The following CDK13 variants were observed in gnomAD, a reference collection of about 807,000 sequenced individuals.
The protein encoded by CDK13 is cyclin-dependent kinase 13.
A neutral mutation model predicts 137.6 loss-of-function variants in CDK13; 40 were observed. The ratio of observed to expected loss-of-function variants is 0.29; its 90% confidence interval spans 0.23 to 0.38. CDK13 has a LOEUF of 0.38. Ranked by LOEUF, CDK13 falls within the 10% of genes least tolerant of loss-of-function variation. CDK13 has a pLI of 1.00. For synonymous variants in CDK13, 869 were observed against 760.1 expected (o/e 1.14, Z -2.36); for missense variants, 1,704 against 1,951.8 (o/e 0.87, Z 2.39).
At chr7:39,981,686 G>T (rs1784226426) in intron 1 of CDK13, among the ~76,000 whole-genome samples, 1 of 152,062 alleles carries the variant, frequency 6.6e-6, no homozygotes, top group Non-Finnish European at 1.5e-5. Flanking sequence ...TTTAAGGAAG[G>T]AACTTTTGTA....
intron 5 of CDK13, among the ~76,000 whole-genome samples, chr7:40,039,707 C>T (rs1785564202): frequency 6.6e-6 from 1 of 152,012 alleles, no homozygotes; most frequent in African/African-American, 2.4e-5. Flanking sequence ...ACTGGGATTA[C>T]AGGCGTGAGC....
chr7:40,063,605 T>TA (rs1584056944), intron 9 of CDK13, among the ~76,000 whole-genome samples: 1 of 152,162 alleles, frequency 6.6e-6, no homozygotes, highest in African/African-American at 2.4e-5. Context: ...ACCTAGTTCA[T>TA]AAGCAATTAC....
At chr7:39,961,638 T>TC (rs1783730572) in intron 1 of CDK13, among the ~76,000 whole-genome samples, 1 of 151,880 alleles carries the variant, frequency 6.6e-6, no homozygotes, top group Admixed American at 6.6e-5. Flanking sequence ...TTACTTCTTT[T>TC]TTTTTTTTTA....
At chr7:40,035,600 A>G (rs1350702843) in intron 5 of CDK13, among the ~76,000 whole-genome samples, 1 of 151,780 alleles carries the variant, frequency 6.6e-6, no homozygotes, top group African/African-American at 2.4e-5. Flanking sequence ...ACTGTCTCCC[A>G]TCATCCCCAG....
intron 9 of CDK13, chr7:40,071,457 ATTC>A (rs920762580): frequency 4.6e-5 from 7 of 152,314 alleles, no homozygotes; most frequent in Admixed American, 2.6e-4. Flanking sequence ...AATGGTGCAT[ATTC>A]TTCTTAGAAA....
chr7:40,062,501 C>T (rs965599159), intron 7 of CDK13: 5 of 225,672 alleles, frequency 2.2e-5, no homozygotes, highest in African/African-American at 7.0e-5. Flanking sequence ...AGGATGGTCT[C>T]GATCTCCTGA....
At chr7:39,988,443 A>G (rs1253424482) in intron 2 of CDK13, among the ~76,000 whole-genome samples, 185 bp downstream of exon 2, 7 of 152,124 alleles carry the variant, frequency 4.6e-5, no homozygotes, top group African/African-American at 1.7e-4. Context: ...GCAAAATTAA[A>G]GTTTATACTA....
At chr7:39,976,579 A>G (rs781002802) in intron 1 of CDK13, among the ~76,000 whole-genome samples, 53 of 152,064 alleles carry the variant, frequency 3.5e-4, no homozygotes, top group Non-Finnish European at 6.3e-4. Context: ...CCAGTTTTCC[A>G]TGGGGCATAT....
chr7:40,029,843 G>A (rs189136602), intron 5 of CDK13, among the ~76,000 whole-genome samples: 3 of 152,086 alleles, frequency 2.0e-5, no homozygotes, highest in Admixed American at 6.5e-5. Flanking sequence ...TAGTAGAGAC[G>A]GAGTTTCACT....
At chr7:40,063,146 ACTCCACAGGAAAT>A in intron 9 of CDK13, 46 bp downstream of exon 9, 2 of 1,375,530 alleles carry the variant, frequency 1.5e-6, no homozygotes, top group African/African-American at 1.4e-5. Flanking sequence ...AGAGTGTCAT[ACTCCACAGGAAAT>A]TTAAACTCTC....
At chr7:40,064,463 A>G (rs532782961) in intron 9 of CDK13, among the ~76,000 whole-genome samples, 5 of 152,328 alleles carry the variant, frequency 3.3e-5, no homozygotes, top group African/African-American at 1.2e-4. Context: ...ATGAACATAA[A>G]GCAACAAATA....
chr7:39,953,253 C>T (rs984385671), intron 1 of CDK13, among the ~76,000 whole-genome samples: 1 of 152,156 alleles, frequency 6.6e-6, no homozygotes, highest in African/African-American at 2.4e-5. Flanking sequence ...TTAGTTGATA[C>T]CTTAGCGAAG....
At chr7:40,018,515 C>T (rs773407) in intron 5 of CDK13, among the ~76,000 whole-genome samples, 15,210 of 152,078 alleles carry the variant, frequency 0.1, 972 homozygotes, top group Admixed American at 0.14. Flanking sequence ...CCTAAGTGCC[C>T]ATCAGCTGAG....
intron 5 of CDK13, among the ~76,000 whole-genome samples, chr7:40,015,036 A>G (rs1423495667): frequency 6.6e-6 from 1 of 152,214 alleles, no homozygotes; most frequent in Admixed American, 6.5e-5. Flanking sequence ...TCAAATAATT[A>G]GTAGAAGATG....
chr7:40,062,787 C>A, intron 7 of CDK13, 39 bp from the exon 8 acceptor site: 1 of 1,392,102 alleles, frequency 7.2e-7, no homozygotes, highest in Non-Finnish European at 1.0e-6. Context: ...CTTACTCCAA[C>A]AAATACTAAC....
chr7:40,077,841 G>T (rs377189469), intron 9 of CDK13, among the ~76,000 whole-genome samples, 164 bp from the exon 10 acceptor site: 10 of 152,186 alleles, frequency 6.6e-5, no homozygotes, highest in African/African-American at 2.4e-4. Context: ...GGGTGACAGA[G>T]TGAGACTCTG....
At position 40,094,907 on chromosome 7, in the gene CDK13, G is replaced by A. The variant is rs1298454052; in HGVS notation, c.4466G>A (p.Gly1489Glu). 6.6e-7 allele frequency: 1 copy of A among 1,505,776 alleles called. No homozygotes were observed. Among genetic ancestry groups the A allele is most frequent in the African/African-American group, 1.4e-5 (1 of 71,512 alleles). 93.3% of individuals were successfully genotyped at this position (1,505,776 alleles called of 1,614,324 possible). A position where few individuals can be genotyped will look rare whatever the true frequency, so the allele number is the denominator to read the frequency against. ...TGGACTTCTCCTGCCCAAGGACCTG[G>A]ATATTCACAAGGATACAGGGGACAT... The part of the protein sequence containing the change: ...QTWTSPAQGP[G>E]YSQGYRGHIS... Residue 1489 changes from glycine to glutamate, a missense_variant, in exon 14 of 14, where the codon GGA becomes GAA. Gly to Glu is a moderately conservative substitution (Grantham distance 98). Around this residue, in one of 5 missense-constraint regions of CDK13, gnomAD observed 475 missense variants for 579.3 expected, o/e 0.82. Transcript: ENST00000181839.
rs552210715 is a variant in CDK13 at position 40,079,419 on chromosome 7, C to G, written c.3029+568C>G. Among the ~76,000 whole-genome samples the G allele has an allele frequency of 1.2e-3, 171 of 142,136 alleles. No homozygotes were observed. The Middle Eastern group carries it at 0.019, about 16-fold the overall frequency. 93.2% of individuals were successfully genotyped at this position (142,136 alleles called of 152,430 possible). Reference sequence around the variant, plus strand: ...GGGTGACAAGAGCAAGACTCCGTCTCAAAAAAAAAAAAATATTACTGCTGT... The same window carrying G: ...GGGTGACAAGAGCAAGACTCCGTCTGAAAAAAAAAAAAATATTACTGCTGT... On this transcript the variant is annotated intron_variant, in intron 11 of 13. Transcript: ENST00000181839.
Position 40,094,180 on chromosome 7 carries a change from C to T in CDK13, c.3739C>T (p.Pro1247Ser). 1 of 1,613,998 alleles carries T rather than the reference C, an allele frequency of 6.2e-7. No individual in the cohort carries two copies. The change falls in exon 14 of 14, where the codon CCA becomes TCA. Residue 1247 changes from proline to serine, a missense_variant. Pro to Ser is a moderately conservative substitution (Grantham distance 74). Transcript: ENST00000181839. Reference protein sequence around the residue: ...HQDMRILELTPEPDRPRILPP... With the variant: ...HQDMRILELTSEPDRPRILPP... ...AGATATGAGGATCTTGGAGCTAACG[C>T]CAGAACCAGACCGGCCTCGAATTCT...
Sources: allele counts gnomAD v4.1 joint callset (sites outside exome capture counted in the v4.1 genomes callset), GRCh38; gene constraint gnomAD v4.1.1; regional missense constraint gnomAD v4.1.1; transcripts MANE v1.5; gene names NCBI Gene and HGNC (gene_info 2026-07-23, HGNC 2026-07-21).